CCAR1: variants seen among roughly 807,000 people sequenced by gnomAD.
CCAR1 encodes the protein cell division cycle and apoptosis regulator 1.
A neutral mutation model predicts 163.8 loss-of-function variants in CCAR1; 78 were observed. The ratio of observed to expected loss-of-function variants is 0.48; its 90% CI spans 0.40 to 0.57. CCAR1 has a LOEUF of 0.57. Among genes scored for constraint, CCAR1 ranks in the 20% least tolerant of loss-of-function variants. The pLI, the probability that CCAR1 is intolerant of heterozygous loss-of-function variation, is 0.00. For missense variants in CCAR1, 1,019 were observed against 1,365.2 expected, an observed-to-expected ratio of 0.75 and a Z score of 4.00; for synonymous variants, 443 against 460.7, an observed-to-expected ratio of 0.96 and a Z score of 0.49.
chr10:68,791,480 T>C lies in CCAR1; in HGVS notation c.*214T>C, dbSNP rs535167884. ...ATTATTAAACACTCCTTGAGTGAAA[T>C]AATTTTGCATTGCAAAGTGTTTTAG... On this transcript the variant is annotated 3_prime_UTR_variant, in exon 25 of 25. Coordinates refer to ENST00000265872, the MANE Select transcript of CCAR1 (RefSeq NM_018237.4). 1.4e-4 allele frequency: 49 copies of C among 340,600 alleles called. No individual in the cohort carries two copies. The South Asian group carries it at 2.9e-3, about 20-fold the overall frequency. The allele number at this position is 340,600 out of a possible 1,614,324, so 21.1% of individuals were successfully genotyped here. A position where few individuals can be genotyped will look rare whatever the true frequency, so the allele number is the denominator to read the frequency against.
Position 68,786,529 on chromosome 10 carries a change from C to T in CCAR1, c.2734-17C>T, listed in dbSNP as rs1384879311. On this transcript the variant is annotated splice_polypyrimidine_tract_variant and intron_variant, in intron 20 of 24. Transcript: ENST00000265872. ...TGAAATTTGAATACTATGTTTTCTA[C>T]TTCTCCATTTTCTTAGGAAAAAGAA... 1.3e-6 allele frequency: 2 copies of T among 1,542,642 alleles called. No individual in the cohort carries two copies. Among genetic ancestry groups the T allele is most frequent in the Non-Finnish European group, 8.7e-7 (1 of 1,145,674 alleles).
chr10:68,781,304 A>G (rs1470218676), intron 19 of CCAR1, among the ~76,000 whole-genome samples: 3 of 152,058 alleles, frequency 2.0e-5, no homozygotes, highest in African/African-American at 7.2e-5. Context: ...GCACTTTGGG[A>G]GGCTGAGGTG....
chr10:68,791,963 T>A lies in CCAR1; in HGVS notation c.*697T>A, dbSNP rs1027675369. 4 of 151,848 alleles carry A rather than the reference T, an allele frequency of 2.6e-5. No homozygotes were observed. Among genetic ancestry groups the A allele is most frequent in the African/African-American group, 9.7e-5 (4 of 41,234 alleles). 9.4% of individuals were successfully genotyped at this position (151,848 alleles called of 1,614,324 possible). A position where few individuals can be genotyped will look rare whatever the true frequency, so the allele number is the denominator to read the frequency against. ...GTGGGTGCCTGTAATCCCAGCTACT[T>A]GGGAGGCTGAGGCAGGAGAATCGCT... On this transcript the variant is annotated 3_prime_UTR_variant, in exon 25 of 25. Transcript: ENST00000265872.
chr10:68,729,433 C>G (rs1349592200), intron 2 of CCAR1, among the ~76,000 whole-genome samples: 4 of 151,898 alleles, frequency 2.6e-5, no homozygotes, highest in African/African-American at 9.6e-5. Context: ...CCACGCCCGG[C>G]TAATTTTTTG....
At chr10:68,730,803 A>G (rs534953603) in intron 2 of CCAR1, among the ~76,000 whole-genome samples, 1 of 151,482 alleles carries the variant, frequency 6.6e-6, no homozygotes, top group South Asian at 2.1e-4. Context: ...TGATCCACCC[A>G]CTTCAGCCTC....
intron 6 of CCAR1, among the ~76,000 whole-genome samples, chr10:68,746,036 A>C (rs1451749149): frequency 7.0e-6 from 1 of 142,934 alleles, no homozygotes; most frequent in African/African-American, 2.6e-5. Context: ...GCAGTGGTGC[A>C]ATATTGGCTC....
At chr10:68,753,795 G>A (rs1186281041) in intron 10 of CCAR1, 57 bp from the exon 11 acceptor site, 2 of 1,250,928 alleles carry the variant, frequency 1.6e-6, no homozygotes, top group Admixed American at 3.8e-5. Context: ...AGAATTAAAT[G>A]TTTGTGTAAC....
At chr10:68,760,001 A>G (rs2056448515) in intron 15 of CCAR1, among the ~76,000 whole-genome samples, 2 of 151,082 alleles carry the variant, frequency 1.3e-5, no homozygotes, top group Admixed American at 1.3e-4. Flanking sequence ...TGCCTGGCTA[A>G]TTTTTTTTTC....
At chr10:68,755,657 A>G in intron 13 of CCAR1, 121 bp downstream of exon 13, 7 of 717,732 alleles carry the variant, frequency 9.8e-6, no homozygotes, top group Non-Finnish European at 6.5e-6. Context: ...AGGTAATCTC[A>G]AAGGAAAATC....
At chr10:68,746,223 G>A (rs573942396) in intron 6 of CCAR1, among the ~76,000 whole-genome samples, 1 of 150,664 alleles carries the variant, frequency 6.6e-6, no homozygotes, top group Admixed American at 6.6e-5. Context: ...CACCCACCTC[G>A]GCCTCCCAAA....
At position 68,771,422 on chromosome 10, in the gene CCAR1, AAAG is replaced by A. The variant is rs765490765; in HGVS notation, c.2520_2522del (p.Glu840del). 25 of 1,584,102 alleles carry A rather than the reference AAAG, an allele frequency of 1.6e-5. No homozygotes were observed. The Admixed American group carries it at 3.9e-4, about 25-fold the overall frequency. ...AAAATCAGGCGATGATAAAGATAAA[AAAG>A]AAGATAGAGATGAAAGGAAGGTCTG... On this transcript the variant is annotated inframe_deletion, in exon 18 of 25. Transcript: ENST00000265872.
At chr10:68,783,274 C>G (rs1160509877) in intron 19 of CCAR1, among the ~76,000 whole-genome samples, 2 of 152,020 alleles carry the variant, frequency 1.3e-5, no homozygotes, top group Non-Finnish European at 2.9e-5. Flanking sequence ...ACTGCAAGCT[C>G]CGCCTCCCAG....
In CCAR1 at chr10:68,771,313, G is replaced by A. The variant is rs1141945; in HGVS notation, c.2406G>A (p.Lys802=). 5.0e-6 allele frequency: 8 copies of A among 1,606,588 alleles called. No individual in the cohort carries two copies. Among genetic ancestry groups the A allele is most frequent in the South Asian group, 3.3e-5 (3 of 89,632 alleles). Residue 802 remains lysine, a synonymous_variant, in exon 18 of 25, where the codon AAG becomes AAA. Transcript: ENST00000265872. ...SLPEKEDKKE[K]DKKSKKDERK... ...CTGAGAAAGAGGACAAAAAAGAAAAGGATAAAAAAAGCAAAAAAGATGAGA... is the reference window on the plus strand; with the variant it reads ...CTGAGAAAGAGGACAAAAAAGAAAAAGATAAAAAAAGCAAAAAAGATGAGA...
chr10:68,762,508 T>C (rs567679225), intron 16 of CCAR1, among the ~76,000 whole-genome samples: 8 of 152,340 alleles, frequency 5.3e-5, no homozygotes, highest in African/African-American at 1.7e-4. Flanking sequence ...TTCAGTTTTA[T>C]GTCCAATAGA....
intron 2 of CCAR1, among the ~76,000 whole-genome samples, chr10:68,731,514 C>T (rs931704656): frequency 7.9e-5 from 12 of 151,414 alleles, no homozygotes; most frequent in Non-Finnish European, 1.8e-4. Context: ...AACTACTCTA[C>T]TGCAATGTAA....
chr10:68,748,011 G>A (rs888300830), intron 8 of CCAR1, among the ~76,000 whole-genome samples: 1 of 151,992 alleles, frequency 6.6e-6, no homozygotes, highest in South Asian at 2.1e-4. Context: ...GTGCCACCAT[G>A]CCCGGCAAAT....
At chr10:68,779,479 G>A (rs1205886377) in intron 19 of CCAR1, among the ~76,000 whole-genome samples, 2 of 151,344 alleles carry the variant, frequency 1.3e-5, no homozygotes, top group African/African-American at 4.9e-5. Flanking sequence ...GGCTGGTCTC[G>A]AACTCCCGAC....
In CCAR1 at chr10:68,765,977, T is replaced by A. The variant is rs368126227; in HGVS notation, c.2196T>A (p.His732Gln). Residue 732 changes from histidine (H) to glutamine (Q), a missense_variant, in exon 17 of 25, where the codon CAT becomes CAA. Physicochemically the swap from His to Gln is conservative, Grantham distance 24 (BLOSUM62 0). Around this residue, in one of 4 missense-constraint regions of CCAR1, gnomAD observed 644 missense variants for 904.4 expected, o/e 0.71. Coordinates refer to ENST00000265872, the MANE Select transcript of CCAR1 (RefSeq NM_018237.4). ...ILPDEPAIIVHPNWAAKSGKF... is the reference protein window; with the variant it reads ...ILPDEPAIIVQPNWAAKSGKF... ...CTGATGAACCGGCCATCATTGTACA[T>A]CCAAATTGGGCTGCAAAAAGTGGCA... 2.5e-6 allele frequency: 4 copies of A among 1,614,004 alleles called. No homozygotes were observed. The highest frequency in any genetic ancestry group is 3.4e-6 in the Non-Finnish European group (4 of 1,179,906).
chr10:68,738,107 C>T (rs1332087884), intron 4 of CCAR1, among the ~76,000 whole-genome samples: 6 of 152,222 alleles, frequency 3.9e-5, no homozygotes, highest in South Asian at 2.1e-4. Context: ...CAGTCTTTGT[C>T]GCATGTTTCT....
Sources: gnomAD v4.1 joint callset for allele counts (sites outside exome capture counted in the v4.1 genomes callset) on GRCh38, gnomAD v4.1.1 for gene constraint, gnomAD v4.1.1 regional missense constraint, MANE v1.5 for transcripts, NCBI Gene and HGNC (gene_info 2026-07-23, HGNC 2026-07-21) for gene names.